The following DOK6 variants were observed in gnomAD, a reference collection of about 807,000 sequenced individuals.
DOK6 encodes docking protein 6, also known as downstream of tyrosine kinase 6.
In DOK6, 22 loss-of-function variants were observed where a neutral mutation model predicts 44.0. The ratio of observed to expected loss-of-function variants is 0.50; its 90% CI spans 0.36 to 0.71. The LOEUF (loss-of-function observed/expected upper bound fraction) is 0.71, where lower values mean the gene tolerates loss of function less well. Ranked by LOEUF, DOK6 falls within the 30% of genes least tolerant of loss-of-function variation. The pLI is 0.00. For missense variants in DOK6, 340 were observed against 416.4 expected (o/e 0.82, Z 1.60); for synonymous variants, 166 against 145.5 (o/e 1.14, Z -1.01).
chr18:69,561,816 T>C (rs908573195), intron 1 of DOK6, among the ~76,000 whole-genome samples: 2 of 152,198 alleles, frequency 1.3e-5, no homozygotes, highest in Non-Finnish European at 2.9e-5. Flanking sequence ...GAGGCCTTTA[T>C]GTGATTGTTG....
chr18:69,786,897 A>T (rs1290123914), intron 7 of DOK6, among the ~76,000 whole-genome samples: 1 of 152,220 alleles, frequency 6.6e-6, no homozygotes, highest in Admixed American at 6.5e-5. Flanking sequence ...GTTTGACCTA[A>T]TTCAAAAATG....
At position 69,833,006 on chromosome 18, in the gene DOK6, T is replaced by A. The variant is rs1179368812; in HGVS notation, c.857-8238T>A. Among the ~76,000 whole-genome samples the A allele has an allele frequency of 3.9e-5, 6 of 152,250 alleles. No individual in the cohort carries two copies. The East Asian group carries it at 9.7e-4, about 25-fold the overall frequency. On this transcript the variant is annotated intron_variant, in intron 7 of 7. Coordinates refer to ENST00000382713, the MANE Select transcript of DOK6 (RefSeq NM_152721.6). ...ATACTACCCAAAGCAATCTACAGAT[T>A]CGATGCAATCCCTATCAAAATACCA...
intron 1 of DOK6, among the ~76,000 whole-genome samples, chr18:69,546,079 A>G (rs1982395860): frequency 4.0e-5 from 6 of 151,264 alleles, no homozygotes; most frequent in Admixed American, 4.0e-4. Context: ...GGAGTTCGAG[A>G]CCAGGCTAGC....
At chr18:69,533,193 C>T (rs1982031416) in intron 1 of DOK6, among the ~76,000 whole-genome samples, 1 of 152,092 alleles carries the variant, frequency 6.6e-6, no homozygotes, top group Non-Finnish European at 1.5e-5. Flanking sequence ...GAAACTGCTT[C>T]AAATTTATTT....
chr18:69,689,975 A>C (rs1192880427), intron 4 of DOK6, among the ~76,000 whole-genome samples: 1 of 152,168 alleles, frequency 6.6e-6, no homozygotes, highest in Non-Finnish European at 1.5e-5. Flanking sequence ...TACTTTCAGT[A>C]TAATAATTGT....
At chr18:69,541,654 A>C (rs1381110368) in intron 1 of DOK6, among the ~76,000 whole-genome samples, 1 of 151,516 alleles carries the variant, frequency 6.6e-6, no homozygotes, top group East Asian at 1.9e-4. Context: ...TGACATACAA[A>C]GTTTTACCTT....
At chr18:69,477,301 C>T in intron 1 of DOK6, among the ~76,000 whole-genome samples, 1 of 152,292 alleles carries the variant, frequency 6.6e-6, no homozygotes, top group East Asian at 1.9e-4. Context: ...GATGCTGAGA[C>T]AAGTTTGTCC....
At chr18:69,616,481 A>C (rs1006132805) in intron 3 of DOK6, among the ~76,000 whole-genome samples, 1 of 28,310 alleles carries the variant, frequency 3.5e-5, no homozygotes, top group Non-Finnish European at 8.6e-5. Flanking sequence ...ACTAACTACT[A>C]GATGTGCTTC....
intron 5 of DOK6, among the ~76,000 whole-genome samples, chr18:69,711,221 C>T (rs769448234): frequency 3.7e-4 from 57 of 152,186 alleles, no homozygotes; most frequent in Non-Finnish European, 6.9e-4. Flanking sequence ...TCCCTCAGAC[C>T]TATTTCCAAA....
At chr18:69,810,882 A>T in intron 7 of DOK6, among the ~76,000 whole-genome samples, 1 of 152,132 alleles carries the variant, frequency 6.6e-6, no homozygotes, top group East Asian at 1.9e-4. Context: ...ATTATGGAAA[A>T]CAGTATGGAG....
chr18:69,690,436 T>C (rs747926043), intron 4 of DOK6, among the ~76,000 whole-genome samples: 1 of 152,318 alleles, frequency 6.6e-6, no homozygotes, highest in South Asian at 2.1e-4. Context: ...ATTATACAGA[T>C]CTAAGGATGG....
intron 1 of DOK6, among the ~76,000 whole-genome samples, chr18:69,463,738 T>C (rs893783541): frequency 6.6e-6 from 1 of 151,988 alleles, no homozygotes; most frequent in Non-Finnish European, 1.5e-5. Flanking sequence ...TGCATATGTA[T>C]GTAAATGCAT....
chr18:69,801,803 C>T (rs558914051), intron 7 of DOK6, among the ~76,000 whole-genome samples: 1 of 152,298 alleles, frequency 6.6e-6, no homozygotes, highest in African/African-American at 2.4e-5. Flanking sequence ...CCTGGGCAAC[C>T]TAACCCAGGC....
At chr18:69,411,183 A>G (rs531975812) in intron 1 of DOK6, among the ~76,000 whole-genome samples, 58 of 152,324 alleles carry the variant, frequency 3.8e-4, no homozygotes, top group African/African-American at 1.3e-3. Context: ...AGTTCTATGC[A>G]TAAGACACAA....
chr18:69,485,188 A>G (rs1463298442), intron 1 of DOK6, among the ~76,000 whole-genome samples: 1 of 152,172 alleles, frequency 6.6e-6, no homozygotes, highest in Non-Finnish European at 1.5e-5. Context: ...TCAACAGATG[A>G]TGCAACAGCA....
chr18:69,412,563 C>T (rs576489012), intron 1 of DOK6, among the ~76,000 whole-genome samples: 4 of 151,928 alleles, frequency 2.6e-5, no homozygotes, highest in Non-Finnish European at 4.4e-5. Context: ...TACATTTCAC[C>T]GAATAATTTT....
intron 3 of DOK6, among the ~76,000 whole-genome samples, chr18:69,639,679 G>T (rs72961461): frequency 6.6e-6 from 1 of 152,232 alleles, no homozygotes; most frequent in Non-Finnish European, 1.5e-5. Flanking sequence ...GCATCGAATT[G>T]TGTAGAGGTG....
chr18:69,686,449 T>C lies in DOK6; in HGVS notation c.409+8596T>C, dbSNP rs1479259130. ...ATAACTAATTTGTAACTTTTCACTT[T>C]AATATATTCTATAAAGCTCCACATT... is the stretch of plus-strand genomic sequence containing the variant. On this transcript the variant is annotated intron_variant, in intron 4 of 7. Coordinates refer to ENST00000382713, the MANE Select transcript of DOK6 (RefSeq NM_152721.6). Among the ~76,000 whole-genome samples the C allele has an allele frequency of 4.6e-5, 7 of 152,326 alleles. No individual in the cohort carries two copies. The Middle Eastern group carries it at 0.01, about 222-fold the overall frequency.
intron 1 of DOK6, among the ~76,000 whole-genome samples, chr18:69,559,391 GACA>G (rs1382842794): frequency 1.1e-4 from 16 of 152,054 alleles, no homozygotes; most frequent in Admixed American, 1.0e-3. Context: ...TGTACAAAAA[GACA>G]ACAACTATAT....
Sources: allele counts gnomAD v4.1 joint callset (sites outside exome capture counted in the v4.1 genomes callset), GRCh38; gene constraint gnomAD v4.1.1; transcripts MANE v1.5; gene names NCBI Gene and HGNC (gene_info 2026-07-23, HGNC 2026-07-21).